The following OLFM3 variants were observed in gnomAD, a reference collection of about 807,000 sequenced individuals.
The protein encoded by OLFM3 is olfactomedin 3.
OLFM3 carries 20 observed loss-of-function variants against 48.6 expected under a neutral mutation model. The ratio of observed to expected loss-of-function variants is 0.41; its 90% CI spans 0.29 to 0.60. The LOEUF (loss-of-function observed/expected upper bound fraction) is 0.60. Ranked by LOEUF, OLFM3 falls within the 20% of genes least tolerant of loss-of-function variation. The pLI is 0.28. For missense variants in OLFM3, 437 were observed against 544.3 expected (o/e 0.80, Z 1.96); for synonymous variants, 222 against 198.1 (o/e 1.12, Z -1.01).
chr1:101,850,543 A>G lies in OLFM3; in HGVS notation c.70-13518T>C, dbSNP rs182460623. Among the ~76,000 whole-genome samples, 407 of 152,302 alleles carry G rather than the reference A, an allele frequency of 2.7e-3. 3 individuals are homozygous for G. The highest frequency in any genetic ancestry group is 9.2e-3 in the African/African-American group (381 of 41,580). On this transcript the variant is annotated intron_variant, in intron 1 of 5. Transcript: ENST00000370103. ...TGTTTTAATGACCCTACACAGACAT[A>G]TAATCATATATATTTCCTAGTTTGG...
chr1:101,918,312 A>G (rs542970534), intron 1 of OLFM3, among the ~76,000 whole-genome samples: 1 of 152,322 alleles, frequency 6.6e-6, no homozygotes, highest in South Asian at 2.1e-4. Context: ...GTGACTAAAA[A>G]GAACACAAAT....
intron 1 of OLFM3, among the ~76,000 whole-genome samples, chr1:101,890,970 T>C (rs1201161190): frequency 6.6e-6 from 1 of 152,026 alleles, no homozygotes; most frequent in Non-Finnish European, 1.5e-5. Context: ...TAGTCTTTCA[T>C]GCCTTATGCA....
At chr1:101,858,279 G>A (rs559891684) in intron 1 of OLFM3, among the ~76,000 whole-genome samples, 12 of 152,034 alleles carry the variant, frequency 7.9e-5, no homozygotes, top group Non-Finnish European at 1.8e-4. Flanking sequence ...ATTATTTGAG[G>A]AGCAAGGTCT....
At chr1:101,874,859 G>C (rs919505920) in intron 1 of OLFM3, among the ~76,000 whole-genome samples, 3 of 151,990 alleles carry the variant, frequency 2.0e-5, no homozygotes, top group Non-Finnish European at 2.9e-5. Context: ...TGGCTAGGTA[G>C]TTTCCAACTG....
At chr1:101,843,079 AT>A (rs1216407255) in intron 1 of OLFM3, among the ~76,000 whole-genome samples, 2 of 152,172 alleles carry the variant, frequency 1.3e-5, no homozygotes, top group Non-Finnish European at 2.9e-5. Flanking sequence ...ACTAAAACAC[AT>A]TGGTTAATTG....
At chr1:101,990,980 GT>G (rs1557760133) in intron 1 of OLFM3, among the ~76,000 whole-genome samples, 1 of 28,684 alleles carries the variant, frequency 3.5e-5, no homozygotes, top group African/African-American at 1.1e-4. Context: ...GCGAGACTCT[GT>G]CAAAAAGTAA....
intron 3 of OLFM3, among the ~76,000 whole-genome samples, chr1:101,825,720 G>T (rs1229940052): frequency 6.6e-6 from 1 of 152,024 alleles, no homozygotes; most frequent in East Asian, 1.9e-4. Context: ...CATGTTATGG[G>T]GCACATACAG....
chr1:101,929,483 G>A (rs143556745), intron 1 of OLFM3, among the ~76,000 whole-genome samples: 5 of 152,030 alleles, frequency 3.3e-5, no homozygotes, highest in African/African-American at 7.2e-5. Flanking sequence ...TCCCCACTCT[G>A]GCAGATCCTC....
At chr1:101,873,442 T>A (rs4634931) in intron 1 of OLFM3, among the ~76,000 whole-genome samples, 90,031 of 151,564 alleles carry the variant, frequency 0.59, 27,369 homozygotes, top group African/African-American at 0.7. Context: ...TAAAAATAGA[T>A]AAACATATAC....
At chr1:101,842,959 G>A (rs2100935397) in intron 1 of OLFM3, among the ~76,000 whole-genome samples, 1 of 152,232 alleles carries the variant, frequency 6.6e-6, no homozygotes, top group Non-Finnish European at 1.5e-5. Flanking sequence ...AATTTGTTCA[G>A]TTGCCCTATC....
intron 1 of OLFM3, among the ~76,000 whole-genome samples, chr1:101,980,162 G>T (rs1170309768): frequency 1.3e-5 from 2 of 152,170 alleles, no homozygotes; most frequent in Admixed American, 6.5e-5. Flanking sequence ...ATAGGCAGAA[G>T]GGACTTGCCT....
intron 1 of OLFM3, among the ~76,000 whole-genome samples, chr1:101,863,460 T>C (rs1456917836): frequency 6.6e-6 from 1 of 152,180 alleles, no homozygotes; most frequent in Non-Finnish European, 1.5e-5. Context: ...ACAGCCCAGA[T>C]TTTTGACCAT....
At chr1:101,942,832 G>A (rs1195572203) in intron 1 of OLFM3, among the ~76,000 whole-genome samples, 1 of 152,148 alleles carries the variant, frequency 6.6e-6, no homozygotes, top group Non-Finnish European at 1.5e-5. Context: ...CAAAAACAGA[G>A]GGAAAATAAA....
chr1:101,891,180 A>T (rs896729082), intron 1 of OLFM3, among the ~76,000 whole-genome samples: 3 of 151,960 alleles, frequency 2.0e-5, no homozygotes, highest in Non-Finnish European at 2.9e-5. Flanking sequence ...CAGGTCTCAG[A>T]GTTTGGAAGG....
chr1:101,971,745 C>A (rs1182348380), intron 1 of OLFM3, among the ~76,000 whole-genome samples: 1 of 152,096 alleles, frequency 6.6e-6, no homozygotes, highest in East Asian at 1.9e-4. Context: ...TTGGTCAGAT[C>A]ATTTCTTAAT....
intron 1 of OLFM3, among the ~76,000 whole-genome samples, chr1:101,842,173 G>A (rs1165266287): frequency 1.3e-5 from 2 of 152,018 alleles, no homozygotes; most frequent in Non-Finnish European, 2.9e-5. Flanking sequence ...AAACCTCCAG[G>A]CTTTAAGAAA....
intron 1 of OLFM3, among the ~76,000 whole-genome samples, chr1:101,972,496 G>T (rs892613568): frequency 2.0e-5 from 3 of 152,140 alleles, no homozygotes; most frequent in Non-Finnish European, 4.4e-5. Context: ...CTCGAGAGTA[G>T]ACTTTAGGAT....
At chr1:101,812,542 A>G in intron 4 of OLFM3, 1 of 985,370 alleles carries the variant, frequency 1.0e-6, no homozygotes, top group African/African-American at 1.7e-5. Flanking sequence ...CTGAACAAGA[A>G]CTGTCCTTGG....
intron 1 of OLFM3, among the ~76,000 whole-genome samples, chr1:101,881,883 A>G (rs1202432341): frequency 6.6e-6 from 1 of 151,562 alleles, no homozygotes; most frequent in African/African-American, 2.4e-5. Context: ...CTAGACCTCA[A>G]CCACAGTCTT....
Sources: gnomAD v4.1 joint callset for allele counts (sites outside exome capture counted in the v4.1 genomes callset) on GRCh38, gnomAD v4.1.1 for gene constraint, MANE v1.5 for transcripts, NCBI Gene and HGNC (gene_info 2026-07-23, HGNC 2026-07-21) for gene names.